GAS7: variants seen among roughly 807,000 people sequenced by gnomAD.
GAS7 encodes the protein growth arrest specific 7.
GAS7 carries 28 observed loss-of-function variants against 71.1 expected under a neutral mutation model. The ratio of observed to expected loss-of-function variants is 0.39; its 90% CI spans 0.29 to 0.54. The LOEUF is 0.54. GAS7 is among the 20% of genes least tolerant of loss of function. The pLI is 0.62. For missense variants in GAS7, 436 were observed against 627.8 expected (o/e 0.69, Z 3.27); for synonymous variants, 258 against 245.8 (o/e 1.05, Z -0.46).
chr17:10,034,337 C>G lies in GAS7; in HGVS notation c.184-14440G>C, dbSNP rs531993328. On this transcript the variant is annotated intron_variant, in intron 1 of 13. Coordinates refer to ENST00000432992, the MANE Select transcript of GAS7 (RefSeq NM_201433.2). This position sits in a 1 kb window ranked among gnomAD's most constrained non-coding sequence, Gnocchi z 4.4. Reference sequence around the variant, plus strand: ...ATTCTTTTTTTTTTTTTTAGACAGTCTTGCTGTGTCACCCAGGCTGGAGTG... The same window carrying G: ...ATTCTTTTTTTTTTTTTTAGACAGTGTTGCTGTGTCACCCAGGCTGGAGTG... 407 of 490,940 alleles carry G rather than the reference C, an allele frequency of 8.3e-4. 9 individuals are homozygous for G. The South Asian group carries it at 0.03, about 36-fold the overall frequency. The allele number at this position is 490,940 out of a possible 1,614,324, so 30.4% of individuals were successfully genotyped here.
At chr17:10,017,068 C>T (rs910403804) in intron 2 of GAS7, among the ~76,000 whole-genome samples, 1 of 151,000 alleles carries the variant, frequency 6.6e-6, no homozygotes, top group Non-Finnish European at 1.5e-5. Flanking sequence ...GAGGTTGAGG[C>T]TGCAGTGAGC....
At chr17:9,939,656 C>A (rs991651135) in intron 8 of GAS7, among the ~76,000 whole-genome samples, 21 of 151,930 alleles carry the variant, frequency 1.4e-4, no homozygotes, top group African/African-American at 5.1e-4. Flanking sequence ...GTCGCCCAGG[C>A]TGGAGTGCAG....
intron 1 of GAS7, among the ~76,000 whole-genome samples, chr17:10,144,596 T>C (rs752288454): frequency 6.6e-6 from 1 of 152,094 alleles, no homozygotes; most frequent in Non-Finnish European, 1.5e-5. Context: ...CAGGCTGGAG[T>C]ACAGTGGCGC....
chr17:10,130,442 T>G (rs2073988377), intron 1 of GAS7, among the ~76,000 whole-genome samples: 1 of 151,914 alleles, frequency 6.6e-6, no homozygotes, highest in Admixed American at 6.6e-5. Flanking sequence ...AGCCTGGCCA[T>G]TCCTCAAAAG....
At chr17:10,086,016 T>C (rs2073515445) in intron 1 of GAS7, among the ~76,000 whole-genome samples, 1 of 152,298 alleles carries the variant, frequency 6.6e-6, no homozygotes, top group East Asian at 1.9e-4. Context: ...GAGGCATGAC[T>C]GGATGTTGGC....
rs1009449265 is a variant in GAS7, at chr17:9,912,872, C to T, written c.*4356G>A. On this transcript the variant is annotated 3_prime_UTR_variant, in exon 14 of 14. Coordinates refer to ENST00000432992, the MANE Select transcript of GAS7 (RefSeq NM_201433.2). ...AGTACGCCCATGCAATGAAATACTT[C>T]CCGGCAAGGAGAAGGAACAAACCAC... 4.0e-4 allele frequency: 94 copies of T among 232,822 alleles called. No homozygotes were observed. Among genetic ancestry groups the T allele is most frequent in the Admixed American group, 1.2e-3 (21 of 17,768 alleles). 14.4% of individuals were successfully genotyped at this position (232,822 alleles called of 1,614,324 possible). A position where few individuals can be genotyped will look rare whatever the true frequency, so the allele number is the denominator to read the frequency against.
intron 1 of GAS7, among the ~76,000 whole-genome samples, chr17:10,023,535 T>C (rs1397869349): frequency 6.6e-6 from 1 of 152,112 alleles, no homozygotes; most frequent in Non-Finnish European, 1.5e-5. Flanking sequence ...TGATACATGC[T>C]ACAACATGGA....
intron 1 of GAS7, among the ~76,000 whole-genome samples, chr17:10,077,330 C>T (rs1350922375): frequency 1.3e-5 from 2 of 151,982 alleles, no homozygotes; most frequent in African/African-American, 4.8e-5. Flanking sequence ...ATTAACAAAG[C>T]CACAAAGAAG....
intron 7 of GAS7, among the ~76,000 whole-genome samples, 165 bp downstream of exon 7, chr17:9,942,956 C>T (rs2068656777): frequency 6.6e-6 from 1 of 152,196 alleles, no homozygotes; most frequent in Non-Finnish European, 1.5e-5. Context: ...AGGTACACAA[C>T]TGCTGACCAG....
chr17:10,008,208 T>C (rs1368266678), intron 2 of GAS7, among the ~76,000 whole-genome samples: 2 of 152,226 alleles, frequency 1.3e-5, no homozygotes, highest in African/African-American at 4.8e-5. Flanking sequence ...GCACACTTTT[T>C]GTGTGGACGT....
intron 1 of GAS7, among the ~76,000 whole-genome samples, chr17:10,113,656 T>G (rs532488452): frequency 9.2e-5 from 14 of 152,278 alleles, no homozygotes; most frequent in Non-Finnish European, 1.8e-4. Flanking sequence ...GACACACGGT[T>G]TCCTGGGTTA....
chr17:9,992,439 G>T (rs1395912963), intron 2 of GAS7, among the ~76,000 whole-genome samples: 2 of 152,256 alleles, frequency 1.3e-5, no homozygotes, highest in Non-Finnish European at 2.9e-5. Flanking sequence ...CACAAAAGCA[G>T]TGAGTGCTGC....
intron 1 of GAS7, among the ~76,000 whole-genome samples, chr17:10,035,887 C>A (rs1567560740): frequency 6.6e-6 from 1 of 152,198 alleles, no homozygotes; most frequent in Non-Finnish European, 1.5e-5. Flanking sequence ...GCTAGGGAGC[C>A]ATGACCCCAG....
chr17:10,188,009 C>T (rs565868435), intron 1 of GAS7, among the ~76,000 whole-genome samples: 3 of 152,134 alleles, frequency 2.0e-5, no homozygotes, highest in South Asian at 2.1e-4. Flanking sequence ...TTTGGGAGGC[C>T]GAGGCAGGTG....
intron 1 of GAS7, among the ~76,000 whole-genome samples, chr17:10,095,919 G>A (rs549771427): frequency 2.6e-5 from 4 of 151,930 alleles, no homozygotes; most frequent in African/African-American, 4.8e-5. Flanking sequence ...GCAGAATGAC[G>A]TGTTCTCTGA....
At chr17:9,943,328 C>T (rs900078930) in intron 6 of GAS7, 92 bp from the exon 7 acceptor site, 2 of 759,752 alleles carry the variant, frequency 2.6e-6, no homozygotes. Flanking sequence ...CCTAGATGTG[C>T]CTGGCAATCC....
At chr17:10,161,585 CA>C (rs1167361775) in intron 1 of GAS7, among the ~76,000 whole-genome samples, 1 of 152,254 alleles carries the variant, frequency 6.6e-6, no homozygotes, top group African/African-American at 2.4e-5. Flanking sequence ...GAGCTTCCTG[CA>C]GACTCACATT....
intron 9 of GAS7, among the ~76,000 whole-genome samples, chr17:9,931,143 C>T (rs1007129817): frequency 1.3e-5 from 2 of 152,142 alleles, no homozygotes; most frequent in African/African-American, 4.8e-5. Flanking sequence ...ACCAAGTCTC[C>T]CATTCGCTCA....
intron 1 of GAS7, among the ~76,000 whole-genome samples, chr17:10,152,093 T>A (rs940723442): frequency 2.0e-5 from 3 of 152,166 alleles, no homozygotes; most frequent in Non-Finnish European, 4.4e-5. Context: ...CTACAGGACA[T>A]CTTCTCTCAC....
Sources: allele counts gnomAD v4.1 joint callset (sites outside exome capture counted in the v4.1 genomes callset), GRCh38; gene constraint gnomAD v4.1.1; non-coding constraint Gnocchi (gnomAD v3.1); transcripts MANE v1.5; gene names NCBI Gene and HGNC (gene_info 2026-07-23, HGNC 2026-07-21).